Variants in ATXN8OS observed in about 807,000 individuals in gnomAD.
The protein encoded by ATXN8OS is ATXN8 opposite strand lncRNA.
At chr13:70,144,032 T>G (rs946840215) in intron 3 of ATXN8OS, among the ~76,000 whole-genome samples, 3 of 152,148 alleles carry the variant, frequency 2.0e-5, no homozygotes, top group African/African-American at 7.2e-5. Context: ...AATAAAACTG[T>G]CACAGAATGG....
intron 4 of ATXN8OS, among the ~76,000 whole-genome samples, chr13:70,165,393 A>G (rs1172613131): frequency 6.6e-6 from 1 of 151,974 alleles, no homozygotes; most frequent in Non-Finnish European, 1.5e-5. Context: ...TTGTATAATC[A>G]GTATTTTTGA....
At chr13:70,168,667 G>A (rs935182726) in intron 4 of ATXN8OS, among the ~76,000 whole-genome samples, 5 of 147,906 alleles carry the variant, frequency 3.4e-5, no homozygotes, top group Non-Finnish European at 4.5e-5. Flanking sequence ...GGCTTATTTC[G>A]CTTAACATAA....
chr13:70,127,948 C>T (rs1471134655), intron 2 of ATXN8OS, among the ~76,000 whole-genome samples: 1 of 152,030 alleles, frequency 6.6e-6, no homozygotes, highest in African/African-American at 2.4e-5. Flanking sequence ...ACTAACACTC[C>T]TTCCTGCTTT....
chr13:70,145,801 TA>T (rs1888776530), intron 3 of ATXN8OS, among the ~76,000 whole-genome samples: 1 of 151,912 alleles, frequency 6.6e-6, no homozygotes. Context: ...CTGCAAACCA[TA>T]AAAACCCTAG....
chr13:70,163,202 T>A (rs376037081), intron 4 of ATXN8OS, among the ~76,000 whole-genome samples: 2 of 152,206 alleles, frequency 1.3e-5, no homozygotes, highest in East Asian at 3.9e-4. Context: ...CATTTAATAA[T>A]CCAACTGGCC....
intron 3 of ATXN8OS, among the ~76,000 whole-genome samples, chr13:70,132,031 A>T (rs1304129033): frequency 6.6e-6 from 1 of 152,212 alleles, no homozygotes; most frequent in East Asian, 1.9e-4. Context: ...CATTGCCAGA[A>T]GAAAAATCTG....
intron 3 of ATXN8OS, among the ~76,000 whole-genome samples, chr13:70,135,516 G>A (rs531587887): frequency 1.5e-3 from 231 of 152,082 alleles, no homozygotes; most frequent in African/African-American, 5.1e-3. Context: ...TTGTGGTAAT[G>A]TCCAGATTTC....
chr13:70,107,455 G>C (rs776644824), upstream of ATXN8OS: 10 of 1,613,962 alleles, frequency 6.2e-6, no homozygotes, highest in Admixed American at 8.3e-5. Context: ...GGAAGAGGAC[G>C]GGGAGGACGA....
chr13:70,169,243 G>A (rs1033070204), intron 4 of ATXN8OS, among the ~76,000 whole-genome samples: 1 of 152,100 alleles, frequency 6.6e-6, no homozygotes, highest in African/African-American at 2.4e-5. Context: ...TTGTAGCAAC[G>A]AAAGAATAGC....
chr13:70,146,524 A>C (rs146804630), intron 3 of ATXN8OS, among the ~76,000 whole-genome samples: 13,083 of 152,172 alleles, frequency 0.086, 613 homozygotes, highest in East Asian at 0.18. Context: ...CAAATGTCCA[A>C]CAACGATAGA....
intron 3 of ATXN8OS, among the ~76,000 whole-genome samples, chr13:70,137,909 T>G (rs2137488787): frequency 6.6e-6 from 1 of 152,248 alleles, no homozygotes; most frequent in East Asian, 1.9e-4. Context: ...CTCAGGAAAC[T>G]TACAAACAAG....
chr13:70,147,916 T>A (rs1566612275), intron 4 of ATXN8OS, among the ~76,000 whole-genome samples: 1 of 152,196 alleles, frequency 6.6e-6, no homozygotes, highest in African/African-American at 2.4e-5. Flanking sequence ...GTAAAGCATA[T>A]ATTCATTTGG....
At chr13:70,150,111 G>A (rs1888842577) in intron 4 of ATXN8OS, among the ~76,000 whole-genome samples, 1 of 152,048 alleles carries the variant, frequency 6.6e-6, no homozygotes, top group Admixed American at 6.6e-5. Flanking sequence ...CAGTAGCTAA[G>A]CTCCCAAGTA....
At chr13:70,137,432 A>C (rs2137488447) in intron 3 of ATXN8OS, among the ~76,000 whole-genome samples, 1 of 152,250 alleles carries the variant, frequency 6.6e-6, no homozygotes, top group African/African-American at 2.4e-5. Context: ...GCACTGATAT[A>C]TTTTAGAAGA....
chr13:70,158,150 T>C (rs997427594), intron 4 of ATXN8OS, among the ~76,000 whole-genome samples: 5 of 152,208 alleles, frequency 3.3e-5, no homozygotes, highest in South Asian at 2.1e-4. Flanking sequence ...GCTGGCGTGG[T>C]GGCTCACACC....
chr13:70,124,844 A>C (rs1593760511), intron 2 of ATXN8OS, among the ~76,000 whole-genome samples: 1 of 152,000 alleles, frequency 6.6e-6, no homozygotes, highest in African/African-American at 2.4e-5. Context: ...TTGCATAGCC[A>C]ATCTTCTATT....
chr13:70,141,552 C>A (rs1888715432), intron 3 of ATXN8OS, among the ~76,000 whole-genome samples: 1 of 151,884 alleles, frequency 6.6e-6, no homozygotes. Context: ...ACTTATAATG[C>A]CTTAACCAAT....
intron 3 of ATXN8OS, among the ~76,000 whole-genome samples, chr13:70,139,816 T>A (rs1221372556): frequency 6.6e-6 from 1 of 152,156 alleles, no homozygotes; most frequent in East Asian, 1.9e-4. Context: ...CCTTCTTGCT[T>A]CACTGACATT....
intron 2 of ATXN8OS, among the ~76,000 whole-genome samples, chr13:70,121,739 A>G (rs1373713884): frequency 3.3e-5 from 5 of 152,158 alleles, no homozygotes; most frequent in African/African-American, 1.2e-4. Flanking sequence ...ATATTATCTT[A>G]TGTTATAAAC....
Sources: allele counts gnomAD v4.1 joint callset (sites outside exome capture counted in the v4.1 genomes callset), GRCh38; gene constraint gnomAD v4.1.1; transcripts MANE v1.5; gene names NCBI Gene and HGNC (gene_info 2026-07-23, HGNC 2026-07-21).